AFG2A: variants seen among roughly 807,000 people sequenced by gnomAD.
AFG2A encodes AAA ATPase AFG2A, also known as ATPase family gene 2 protein homolog A.
chr4:122,956,649 G>A, the AFG2A span, among the ~76,000 whole-genome samples: 2 of 152,292 alleles, frequency 1.3e-5, no homozygotes, highest in East Asian at 3.9e-4. Context: ...TATTTATTTT[G>A]AGATGGAGTC....
the AFG2A span, chr4:123,313,759 C>A: frequency 1.3e-6 from 1 of 785,586 alleles, no homozygotes; most frequent in Non-Finnish European, 1.9e-6. Context: ...CTAATTCTTG[C>A]AGATAAATTT....
At chr4:123,255,025 G>A in the AFG2A span, among the ~76,000 whole-genome samples, 310 of 152,082 alleles carry the variant, frequency 2.0e-3, 1 homozygote, top group African/African-American at 7.3e-3. Flanking sequence ...GTGCAGTAGT[G>A]CTATCTTGGT....
At chr4:123,147,720 A>T in the AFG2A span, among the ~76,000 whole-genome samples, 3 of 152,186 alleles carry the variant, frequency 2.0e-5, no homozygotes, top group Non-Finnish European at 2.9e-5. Context: ...TGTCTATAAA[A>T]ATTCACTGGG....
chr4:123,122,683 T>C, the AFG2A span, among the ~76,000 whole-genome samples: 3 of 152,178 alleles, frequency 2.0e-5, no homozygotes, highest in Non-Finnish European at 2.9e-5. Flanking sequence ...AAACTGTTCT[T>C]TCTATTCATA....
chr4:122,999,789 G>A, the AFG2A span, among the ~76,000 whole-genome samples: 16 of 152,096 alleles, frequency 1.1e-4, no homozygotes, highest in Middle Eastern at 3.4e-3. Flanking sequence ...TTGGCGATGC[G>A]GGCTCTTTTT....
the AFG2A span, among the ~76,000 whole-genome samples, chr4:122,987,707 C>G: frequency 6.6e-6 from 1 of 152,142 alleles, no homozygotes; most frequent in African/African-American, 2.4e-5. Flanking sequence ...TCTTTAATTT[C>G]TCCTGCCCCC....
At chr4:123,220,773 T>C in the AFG2A span, among the ~76,000 whole-genome samples, 1 of 152,170 alleles carries the variant, frequency 6.6e-6, no homozygotes, top group Non-Finnish European at 1.5e-5. Flanking sequence ...CTTCAGCTTA[T>C]AATGGTTAAT....
the AFG2A span, among the ~76,000 whole-genome samples, chr4:123,128,128 ATGT>A: frequency 5.3e-5 from 8 of 152,158 alleles, no homozygotes; most frequent in Non-Finnish European, 1.0e-4. Context: ...ATGTCCTGGA[ATGT>A]TGTTGAGAAG....
At chr4:123,116,858 T>G in the AFG2A span, among the ~76,000 whole-genome samples, 2 of 152,108 alleles carry the variant, frequency 1.3e-5, no homozygotes, top group African/African-American at 4.8e-5. Context: ...ATTTGTATTA[T>G]TTTTTACTCT....
the AFG2A span, among the ~76,000 whole-genome samples, chr4:123,257,051 TTC>T: frequency 6.6e-6 from 1 of 152,154 alleles, no homozygotes; most frequent in Admixed American, 6.5e-5. Context: ...GGACTCCACA[TTC>T]TGTTTTGCTT....
the AFG2A span, among the ~76,000 whole-genome samples, chr4:123,153,594 T>C: frequency 6.6e-6 from 1 of 152,076 alleles, no homozygotes; most frequent in East Asian, 1.9e-4. Context: ...TTATTATTAC[T>C]GTAAAATTAT....
the AFG2A span, chr4:122,927,679 T>C: frequency 6.2e-7 from 1 of 1,612,784 alleles, no homozygotes; most frequent in African/African-American, 1.3e-5. Flanking sequence ...CTTATTCATC[T>C]TGGACTCAAC....
At chr4:123,114,898 G>A in the AFG2A span, among the ~76,000 whole-genome samples, 1 of 152,234 alleles carries the variant, frequency 6.6e-6, no homozygotes. Flanking sequence ...CCCAGTGGCA[G>A]CACCTTTGGC....
the AFG2A span, among the ~76,000 whole-genome samples, chr4:123,139,981 G>A: frequency 6.6e-6 from 1 of 151,994 alleles, no homozygotes; most frequent in South Asian, 2.1e-4. Context: ...CAGCCCTCAG[G>A]AGTAGGCAAA....
chr4:123,009,150 T>A, the AFG2A span, among the ~76,000 whole-genome samples: 1 of 152,180 alleles, frequency 6.6e-6, no homozygotes, highest in South Asian at 2.1e-4. Flanking sequence ...GGTACACACT[T>A]CTAGATGTCC....
the AFG2A span, among the ~76,000 whole-genome samples, chr4:122,974,228 T>G: frequency 6.6e-6 from 1 of 151,506 alleles, no homozygotes; most frequent in African/African-American, 2.4e-5. Flanking sequence ...ATGAAAATAA[T>G]GTATCATTTA....
At chr4:123,046,735 T>C in the AFG2A span, among the ~76,000 whole-genome samples, 11 of 152,302 alleles carry the variant, frequency 7.2e-5, no homozygotes, top group African/African-American at 2.6e-4. Flanking sequence ...TACTGGTACT[T>C]ACTCCTTCTA....
the AFG2A span, among the ~76,000 whole-genome samples, chr4:123,060,152 C>T: frequency 6.6e-6 from 1 of 152,210 alleles, no homozygotes; most frequent in Non-Finnish European, 1.5e-5. Context: ...GGTACAGCCT[C>T]CCTCTGGCTG....
chr4:123,210,269 ATTG>A, the AFG2A span, among the ~76,000 whole-genome samples: 15 of 152,334 alleles, frequency 9.8e-5, no homozygotes, highest in Non-Finnish European at 1.8e-4. Context: ...TACATGATAT[ATTG>A]TTAACTGTAG....
Sources: allele counts gnomAD v4.1 joint callset (sites outside exome capture counted in the v4.1 genomes callset), GRCh38; gene constraint gnomAD v4.1.1; transcripts MANE v1.5; gene names NCBI Gene and HGNC (gene_info 2026-07-23, HGNC 2026-07-21).